Variants in DNAH14 observed in about 807,000 individuals in gnomAD.
DNAH14 encodes dynein axonemal heavy chain 14, also known as axonemal beta dynein heavy chain 14.
Under a neutral mutation model 520.9 loss-of-function variants are expected in DNAH14, and 478 were observed. The observed-to-expected ratio is 0.92, with a 90% CI of 0.85 to 0.99. DNAH14 has a LOEUF of 0.99. DNAH14 is among the 50% of genes least tolerant of loss of function. The probability of loss-of-function intolerance (pLI) is 0.00; values close to 1 mark genes in which losing one functional copy is unlikely to be tolerated. For synonymous variants in DNAH14, 1,581 were observed against 1,757.2 expected, an observed-to-expected ratio of 0.90 and a Z score of 2.51; for missense variants, 4,831 against 5,234.5, an observed-to-expected ratio of 0.92 and a Z score of 2.38.
At chr1:225,278,750 A>G (rs751896961) in intron 54 of DNAH14, among the ~76,000 whole-genome samples, 4 of 152,126 alleles carry the variant, frequency 2.6e-5, no homozygotes, top group Non-Finnish European at 5.9e-5. Context: ...TTTCTTTAGC[A>G]TGTCTTTTCT....
intron 43 of DNAH14, among the ~76,000 whole-genome samples, chr1:225,252,093 A>G (rs1188865374): frequency 1.3e-5 from 2 of 152,180 alleles, no homozygotes; most frequent in Non-Finnish European, 2.9e-5. Context: ...TGCTTTCTGG[A>G]TATAAAGAGG....
chr1:225,335,563 C>A lies in DNAH14; in HGVS notation c.10081-1703C>A, dbSNP rs778032066. Among the ~76,000 whole-genome samples the A allele has an allele frequency of 5.3e-4, 25 of 47,542 alleles. 1 individual carries two copies. The highest frequency in any genetic ancestry group is 7.5e-4 in the Non-Finnish European group (21 of 28,144). 31.2% of individuals were successfully genotyped at this position (47,542 alleles called of 152,430 possible). ...TATATACGTATATACATATGTACAT[C>A]TATGTATATACGCATATGTGCATAT... On this transcript the variant is annotated intron_variant, in intron 66 of 85. Coordinates refer to ENST00000682510, the MANE Select transcript of DNAH14 (RefSeq NM_001367479.1).
intron 30 of DNAH14, among the ~76,000 whole-genome samples, chr1:225,146,162 G>T (rs2079919848): frequency 6.6e-6 from 1 of 152,118 alleles, no homozygotes; most frequent in African/African-American, 2.4e-5. Flanking sequence ...CAAAAAGCCT[G>T]CTAATTAAAA....
chr1:225,002,424 T>A (rs1346015980), intron 8 of DNAH14, among the ~76,000 whole-genome samples: 1 of 152,150 alleles, frequency 6.6e-6, no homozygotes, highest in African/African-American at 2.4e-5. Context: ...GGGAGAAAAG[T>A]ACATTGAAGG....
intron 55 of DNAH14, among the ~76,000 whole-genome samples, chr1:225,292,952 G>A (rs936151622): frequency 6.6e-6 from 1 of 151,664 alleles, no homozygotes; most frequent in Non-Finnish European, 1.5e-5. Context: ...CTGCTACTTT[G>A]CTGCATTCAT....
intron 17 of DNAH14, among the ~76,000 whole-genome samples, chr1:225,057,671 T>C (rs1448214820): frequency 6.6e-6 from 1 of 152,216 alleles, no homozygotes; most frequent in Non-Finnish European, 1.5e-5. Context: ...GGGTTTGCCA[T>C]AGATAGCTTT....
At chr1:225,273,954 C>A (rs2093385419) in intron 52 of DNAH14, among the ~76,000 whole-genome samples, 1 of 152,120 alleles carries the variant, frequency 6.6e-6, no homozygotes, top group African/African-American at 2.4e-5. Context: ...GTGCCAACTT[C>A]ATTCTTCTCA....
At chr1:225,019,272 ATTC>A (rs1471686566) in intron 10 of DNAH14, among the ~76,000 whole-genome samples, 1 of 152,200 alleles carries the variant, frequency 6.6e-6, no homozygotes, top group African/African-American at 2.4e-5. Flanking sequence ...AGAGGTTGCT[ATTC>A]TTATATCAGC....
At chr1:225,190,649 T>C (rs1447662183) in intron 37 of DNAH14, among the ~76,000 whole-genome samples, 5 of 151,958 alleles carry the variant, frequency 3.3e-5, no homozygotes, top group Non-Finnish European at 7.4e-5. Flanking sequence ...ATTTGACTTG[T>C]GTACTTATAA....
Position 225,273,124 on chromosome 1 carries a change from A to G in DNAH14, c.8009A>G (p.Gln2670Arg). ...LLSRELENCF[Q>R]IQWTQENLMN... ...TCAAGGGAACTTGAGAACTGTTTTC[A>G]GGTAAATTTATATTTTAAAAATTAT... The change falls in exon 52 of 86, where the codon CAG (glutamine) becomes CGG (arginine). Residue 2670 changes from glutamine (Q) to arginine (R), a missense_variant and splice_region_variant. Gln to Arg is a conservative substitution (Grantham distance 43, BLOSUM62 1). Coordinates refer to ENST00000682510, the MANE Select transcript of DNAH14 (RefSeq NM_001367479.1). The G allele has an allele frequency of 1.3e-6, 2 of 1,546,886 alleles. No homozygotes were observed. The highest frequency in any genetic ancestry group is 1.7e-6 in the Non-Finnish European group (2 of 1,145,732).
intron 41 of DNAH14, among the ~76,000 whole-genome samples, chr1:225,222,524 G>A (rs1374651204): frequency 6.6e-6 from 1 of 152,148 alleles, no homozygotes; most frequent in African/African-American, 2.4e-5. Context: ...TGCCGCTGCT[G>A]GCTGGGGTTG....
chr1:224,970,810 C>T (rs2061462717), intron 7 of DNAH14, among the ~76,000 whole-genome samples: 1 of 152,038 alleles, frequency 6.6e-6, no homozygotes, highest in African/African-American at 2.4e-5. Flanking sequence ...GTTCAAGAGT[C>T]AACTATGTTG....
intron 8 of DNAH14, among the ~76,000 whole-genome samples, chr1:224,982,732 TTTCCATGTATTTGCATGATA>T (rs1312829977): frequency 6.6e-6 from 1 of 152,224 alleles, no homozygotes; most frequent in African/African-American, 2.4e-5. Flanking sequence ...GGTTATTTAA[TTTCCATGTATTTGCATGATA>T]TTCCATGTAT....
intron 60 of DNAH14, among the ~76,000 whole-genome samples, chr1:225,309,601 A>G (rs1054449905): frequency 4.6e-5 from 7 of 152,182 alleles, no homozygotes; most frequent in African/African-American, 1.7e-4. Flanking sequence ...AATATATTAA[A>G]TATGAGTAAG....
chr1:225,298,134 A>C (rs2094053621), intron 55 of DNAH14, among the ~76,000 whole-genome samples: 1 of 151,980 alleles, frequency 6.6e-6, no homozygotes, highest in South Asian at 2.1e-4. Context: ...GGGGCAACCC[A>C]TGTAGCTATT....
At chr1:225,141,147 A>T (rs181610464) in intron 28 of DNAH14, 126 bp downstream of exon 28, 171 of 914,058 alleles carry the variant, frequency 1.9e-4, no homozygotes, top group Middle Eastern at 1.4e-3. Flanking sequence ...CCAAAATTCT[A>T]AGCAAACTGT....
At chr1:225,333,965 C>T (rs1288495207) in intron 66 of DNAH14, among the ~76,000 whole-genome samples, 3 of 152,126 alleles carry the variant, frequency 2.0e-5, no homozygotes, top group Admixed American at 2.0e-4. Flanking sequence ...TTTTGTTAAT[C>T]CTCCGAGAAT....
At chr1:224,953,248 G>T (rs1038137014) in intron 2 of DNAH14, among the ~76,000 whole-genome samples, 1 of 151,290 alleles carries the variant, frequency 6.6e-6, no homozygotes, top group African/African-American at 2.4e-5. Context: ...TCAGCCCCCC[G>T]AGTAGCTGGG....
chr1:225,077,939 C>A (rs1355182981), intron 17 of DNAH14, among the ~76,000 whole-genome samples: 1 of 152,030 alleles, frequency 6.6e-6, no homozygotes, highest in Non-Finnish European at 1.5e-5. Context: ...TAGACACACA[C>A]ATATGTGAAA....
Sources: allele counts gnomAD v4.1 joint callset (sites outside exome capture counted in the v4.1 genomes callset), GRCh38; gene constraint gnomAD v4.1.1; transcripts MANE v1.5; gene names NCBI Gene and HGNC (gene_info 2026-07-23, HGNC 2026-07-21).